R3HCC1L: variants seen among roughly 807,000 people sequenced by gnomAD.
R3HCC1L encodes the protein coiled-coil domain-containing protein R3HCC1L.
A neutral mutation model predicts 59.9 loss-of-function variants in R3HCC1L; 51 were observed. That is an observed-to-expected ratio of 0.85 (90% CI 0.68 to 1.07). The LOEUF (loss-of-function observed/expected upper bound fraction) is 1.07. R3HCC1L is among the 50% of genes least tolerant of loss of function. The pLI is 0.00. For missense variants in R3HCC1L, 965 were observed against 933.0 expected (o/e 1.03, Z -0.45); for synonymous variants, 322 against 315.2 (o/e 1.02, Z -0.23).
intron 4 of R3HCC1L, among the ~76,000 whole-genome samples, chr10:98,195,336 T>A (rs1031386777): frequency 2.9e-4 from 44 of 152,038 alleles, no homozygotes; most frequent in African/African-American, 9.4e-4. Context: ...GAGTGTAGAG[T>A]TTCAGTCATG....
At chr10:98,145,453 G>A (rs938541118) in intron 1 of R3HCC1L, among the ~76,000 whole-genome samples, 1 of 152,204 alleles carries the variant, frequency 6.6e-6, no homozygotes, top group African/African-American at 2.4e-5. Flanking sequence ...AAGGTAACGA[G>A]TTCAGTTTCT....
chr10:98,194,404 T>G (rs1278969444), intron 4 of R3HCC1L, among the ~76,000 whole-genome samples: 1 of 152,128 alleles, frequency 6.6e-6, no homozygotes, highest in Non-Finnish European at 1.5e-5. Flanking sequence ...GTTTCTTGCA[T>G]ATGACATCAA....
chr10:98,196,586 G>T (rs893552455), intron 4 of R3HCC1L, among the ~76,000 whole-genome samples: 1 of 152,018 alleles, frequency 6.6e-6, no homozygotes, highest in Non-Finnish European at 1.5e-5. Context: ...GTAGAGAAAG[G>T]GTTTCTCCTC....
Position 98,236,118 on chromosome 10 carries a change from C to G in R3HCC1L, c.2223C>G (p.Ser741Arg), listed in dbSNP as rs1322058220. Residue 741 changes from serine (S) to arginine (R), a missense_variant, in exon 9 of 10, where the codon AGC (serine) becomes AGG (arginine). Ser to Arg is a moderately radical substitution (Grantham distance 110). Coordinates refer to ENST00000298999, the MANE Select transcript of R3HCC1L (RefSeq NM_001351015.2). ...ISALGVRSKQ[S>R]KTEREAELKK... Reference sequence around the variant, plus strand: ...CCCTTGGGGTTCGAAGTAAGCAGAGCAAAACCGAACGAGAAGCAGAGCTCA... The same window carrying G: ...CCCTTGGGGTTCGAAGTAAGCAGAGGAAAACCGAACGAGAAGCAGAGCTCA... 2.5e-6 allele frequency: 4 copies of G among 1,613,906 alleles called. No individual in the cohort carries two copies. The highest frequency in any genetic ancestry group is 3.4e-6 in the Non-Finnish European group (4 of 1,179,916).
intron 4 of R3HCC1L, among the ~76,000 whole-genome samples, chr10:98,190,888 G>A (rs1465539521): frequency 2.7e-5 from 4 of 149,476 alleles, no homozygotes; most frequent in Non-Finnish European, 4.4e-5. Flanking sequence ...CTACCTATGA[G>A]TGAGAACATG....
intron 4 of R3HCC1L, among the ~76,000 whole-genome samples, chr10:98,180,696 G>T (rs1310627544): frequency 6.6e-6 from 1 of 151,398 alleles, no homozygotes. Context: ...TGGGAGTCTT[G>T]TAGGTCTCTA....
At chr10:98,205,456 TTATTA>T (rs1331024629) in intron 4 of R3HCC1L, among the ~76,000 whole-genome samples, 1 of 152,214 alleles carries the variant, frequency 6.6e-6, no homozygotes, top group Non-Finnish European at 1.5e-5. Flanking sequence ...ATGCCTTTAG[TTATTA>T]TATTGTAACT....
chr10:98,237,430 A>G (rs1857082962), intron 9 of R3HCC1L, among the ~76,000 whole-genome samples: 1 of 152,142 alleles, frequency 6.6e-6, no homozygotes, highest in African/African-American at 2.4e-5. Flanking sequence ...CTGTGGGTGT[A>G]TATCACCTGT....
At chr10:98,235,627 A>G in intron 8 of R3HCC1L, 107 bp downstream of exon 8, 2 of 841,392 alleles carry the variant, frequency 2.4e-6, no homozygotes, top group Non-Finnish European at 3.6e-6. Flanking sequence ...TTTTATTTTT[A>G]GTGTTAAAAG....
At position 98,208,420 on chromosome 10, in the gene R3HCC1L, T is replaced by C. The variant is rs1853002935; in HGVS notation, c.306T>C (p.Asn102=). 1.9e-6 allele frequency: 3 copies of C among 1,613,654 alleles called. No homozygotes were observed. Among genetic ancestry groups the C allele is most frequent in the African/African-American group, 1.3e-5 (1 of 74,826 alleles). ...LRMDTCLQKT[N]RVCSKRGTTE... ...TGGACACATGCCTTCAAAAAACAAATAGAGTTTGTTCTAAGAGAGGAACCA... is the reference window on the plus strand; with the variant it reads ...TGGACACATGCCTTCAAAAAACAAACAGAGTTTGTTCTAAGAGAGGAACCA... The change falls in exon 5 of 10, where the codon AAT becomes AAC. Residue 102 remains asparagine (N), a synonymous_variant. Transcript: ENST00000298999.
At chr10:98,184,557 A>C (rs555628166) in intron 4 of R3HCC1L, among the ~76,000 whole-genome samples, 11 of 152,286 alleles carry the variant, frequency 7.2e-5, no homozygotes, top group Non-Finnish European at 1.3e-4. Context: ...TCATGTTCTC[A>C]CAATGAAATC....
chr10:98,194,464 C>T (rs1191352873), intron 4 of R3HCC1L, among the ~76,000 whole-genome samples: 1 of 151,958 alleles, frequency 6.6e-6, no homozygotes, highest in Non-Finnish European at 1.5e-5. Flanking sequence ...ACTTAAAAAA[C>T]TAAAAATGTA....
At chr10:98,241,343 A>G (rs1590859081) in intron 9 of R3HCC1L, among the ~76,000 whole-genome samples, 1 of 152,180 alleles carries the variant, frequency 6.6e-6, no homozygotes, top group South Asian at 2.1e-4. Flanking sequence ...CATGACACCA[A>G]ACTGGCCCTT....
intron 4 of R3HCC1L, among the ~76,000 whole-genome samples, chr10:98,193,580 A>G (rs1361717854): frequency 1.3e-5 from 2 of 152,164 alleles, no homozygotes; most frequent in Non-Finnish European, 2.9e-5. Context: ...ATTGAAAACT[A>G]TAAAACATTG....
At chr10:98,144,675 C>A (rs1344649092) in intron 1 of R3HCC1L, among the ~76,000 whole-genome samples, 2 of 152,204 alleles carry the variant, frequency 1.3e-5, no homozygotes, top group Admixed American at 1.3e-4. Flanking sequence ...ATTGACACAA[C>A]AATCTTATGA....
At chr10:98,135,173 A>G (rs1375271903) in intron 1 of R3HCC1L, among the ~76,000 whole-genome samples, 1 of 152,176 alleles carries the variant, frequency 6.6e-6, no homozygotes, top group Non-Finnish European at 1.5e-5. Context: ...GGAGTGAGCA[A>G]TCTATAAAGG....
chr10:98,150,808 C>T (rs1351094186), intron 1 of R3HCC1L, among the ~76,000 whole-genome samples: 2 of 152,152 alleles, frequency 1.3e-5, no homozygotes, highest in Admixed American at 6.5e-5. Flanking sequence ...CAGTAGTCCC[C>T]CCTCCCCTCT....
At chr10:98,204,499 G>A in intron 4 of R3HCC1L, among the ~76,000 whole-genome samples, 1 of 152,124 alleles carries the variant, frequency 6.6e-6, no homozygotes, top group East Asian at 1.9e-4. Flanking sequence ...TTAAAAAATT[G>A]TATGGCAGGC....
intron 1 of R3HCC1L, among the ~76,000 whole-genome samples, chr10:98,137,421 A>G (rs534902662): frequency 6.6e-6 from 1 of 152,316 alleles, no homozygotes; most frequent in African/African-American, 2.4e-5. Context: ...GGGTACAAAT[A>G]AAGTTCTCAT....
Sources: allele counts gnomAD v4.1 joint callset (sites outside exome capture counted in the v4.1 genomes callset), GRCh38; gene constraint gnomAD v4.1.1; transcripts MANE v1.5; gene names NCBI Gene and HGNC (gene_info 2026-07-23, HGNC 2026-07-21).